Variants in CHRM2 observed in about 807,000 individuals in gnomAD.
CHRM2 encodes the protein muscarinic acetylcholine receptor M2.
Under a neutral mutation model 25.0 loss-of-function variants are expected in CHRM2, and 8 were observed. The ratio of observed to expected loss-of-function variants is 0.32; its 90% CI spans 0.19 to 0.58. CHRM2 has a LOEUF of 0.58. Among genes scored for constraint, CHRM2 ranks in the 20% least tolerant of loss-of-function variants. The pLI, the probability that CHRM2 is intolerant of heterozygous loss-of-function variation, is 0.88. For missense variants in CHRM2, 440 were observed against 567.1 expected, an observed-to-expected ratio of 0.78 and a Z score of 2.28; for synonymous variants, 202 against 205.7, an observed-to-expected ratio of 0.98 and a Z score of 0.15.
At chr7:136,996,848 A>G (rs1256905985) in intron 3 of CHRM2, among the ~76,000 whole-genome samples, 1 of 152,222 alleles carries the variant, frequency 6.6e-6, no homozygotes, top group Non-Finnish European at 1.5e-5. Flanking sequence ...GTGAGCCTAC[A>G]GGCCAAAGCT....
At chr7:136,938,571 C>T in intron 2 of CHRM2, 2 of 892,028 alleles carry the variant, frequency 2.2e-6, no homozygotes, top group Non-Finnish European at 3.8e-6. Context: ...CTGGCCCCAC[C>T]ATAGCCGCTG....
intron 2 of CHRM2, among the ~76,000 whole-genome samples, chr7:136,887,024 A>T (rs936293396): frequency 1.2e-4 from 19 of 152,218 alleles, no homozygotes; most frequent in Admixed American, 1.0e-3. Flanking sequence ...GCAAATATGT[A>T]GTTGAACAAG....
At chr7:136,978,120 G>T (rs1020385808) in intron 2 of CHRM2, among the ~76,000 whole-genome samples, 1 of 151,878 alleles carries the variant, frequency 6.6e-6, no homozygotes, top group Non-Finnish European at 1.5e-5. Context: ...GGTACTATAG[G>T]GTCACTACTT....
At chr7:136,872,907 AC>A (rs1215922622) in intron 2 of CHRM2, among the ~76,000 whole-genome samples, 3 of 152,058 alleles carry the variant, frequency 2.0e-5, no homozygotes, top group African/African-American at 7.2e-5. Context: ...ATGTGAGCGA[AC>A]CCTTTCTATT....
Position 136,979,833 on chromosome 7 carries a change from G to A in CHRM2, c.-124-12354G>A, listed in dbSNP as rs142828924. Among the ~76,000 whole-genome samples the A allele has an allele frequency of 1.2e-4, 19 of 152,190 alleles. No individual in the cohort carries two copies. The East Asian group carries it at 3.7e-3, about 29-fold the overall frequency. ...TCTGTTTTGGTACCAGTACCATGCT[G>A]TTTGGCTACTGTGGCCTTGTAGTAT... is the stretch of plus-strand genomic sequence containing the variant. On this transcript the variant is annotated intron_variant, in intron 2 of 3. Transcript: ENST00000680005.
At chr7:136,875,309 G>T (rs1208835492) in intron 2 of CHRM2, among the ~76,000 whole-genome samples, 1 of 152,018 alleles carries the variant, frequency 6.6e-6, no homozygotes, top group Non-Finnish European at 1.5e-5. Context: ...ACATGATTGT[G>T]TGAATAATAA....
chr7:136,899,944 A>C (rs976989987), intron 2 of CHRM2: 1 of 152,088 alleles, frequency 6.6e-6, no homozygotes, highest in African/African-American at 2.4e-5. Context: ...CTGGGGAAAA[A>C]TCAATATTGA....
chr7:137,008,120 A>G (rs1247228923), intron 3 of CHRM2, among the ~76,000 whole-genome samples: 1 of 152,128 alleles, frequency 6.6e-6, no homozygotes, highest in East Asian at 1.9e-4. Context: ...ATTATACAAC[A>G]TATTTATTTG....
chr7:137,005,754 A>C (rs575441231), intron 3 of CHRM2, among the ~76,000 whole-genome samples: 1 of 152,208 alleles, frequency 6.6e-6, no homozygotes, highest in South Asian at 2.1e-4. Flanking sequence ...TTTCTATCAT[A>C]GTCCTAAAAA....
At chr7:136,895,933 C>T (rs1796879114) in intron 2 of CHRM2, among the ~76,000 whole-genome samples, 1 of 152,062 alleles carries the variant, frequency 6.6e-6, no homozygotes, top group South Asian at 2.1e-4. Context: ...ATTGGGGAGA[C>T]CTTCTAAACA....
intron 3 of CHRM2, among the ~76,000 whole-genome samples, chr7:136,998,360 C>T (rs1279161235): frequency 2.0e-5 from 3 of 152,092 alleles, no homozygotes; most frequent in African/African-American, 7.2e-5. Flanking sequence ...CCAACAAGGC[C>T]GAAGTAGCAT....
At chr7:136,981,287 T>C (rs1802469653) in intron 2 of CHRM2, among the ~76,000 whole-genome samples, 1 of 152,230 alleles carries the variant, frequency 6.6e-6, no homozygotes, top group Non-Finnish European at 1.5e-5. Context: ...TCAGTGGTAA[T>C]ATCACATTTA....
chr7:136,921,794 C>CTTTTTTTTTTTTTTTTTTTTTTTTT lies in CHRM2; in HGVS notation c.-125+52384_-125+52385insTTTTTTTTTTTTTTTTTTTTTTTTT, dbSNP rs398006503. Among the ~76,000 whole-genome samples the CTTTTTTTTTTTTTTTTTTTTTTTTT allele has an allele frequency of 4.3e-4, 50 of 116,596 alleles. 2 individuals are homozygous for CTTTTTTTTTTTTTTTTTTTTTTTTT. The highest frequency in any genetic ancestry group is 7.4e-4 in the Non-Finnish European group (36 of 48,760). 76.5% of individuals were successfully genotyped at this position (116,596 alleles called of 152,430 possible). Reference sequence around the variant, plus strand: ...TCTTTCTTTCTTTCTTTCTTTCTTTCTTTTTTTTGAGACAGATTCTCACTC... The same window carrying CTTTTTTTTTTTTTTTTTTTTTTTTT: ...TCTTTCTTTCTTTCTTTCTTTCTTTCTTTTTTTTTTTTTTTTTTTTTTTTTTTTTTTTTGAGACAGATTCTCACTC... On this transcript the variant is annotated intron_variant, in intron 2 of 3. Transcript: ENST00000680005.
At position 137,016,148 on chromosome 7, in the gene CHRM2, T is replaced by C; in HGVS notation, c.1283T>C (p.Leu428Pro). Residue 428 changes from leucine to proline, a missense_variant, in exon 4 of 4, where the codon CTT becomes CCT. This residue lies in a region of CHRM2 where 65 missense variants were observed against 108.9 expected (regional missense o/e 0.60). Coordinates refer to ENST00000680005, the MANE Select transcript of CHRM2 (RefSeq NM_001006630.2). ...ACTGTGTGGACAATTGGTTACTGGC[T>C]TTGTTACATCAACAGCACTATCAAC... ...PNTVWTIGYW[L>P]CYINSTINPA... 1 of 1,612,992 alleles carries C rather than the reference T, an allele frequency of 6.2e-7. No homozygotes were observed. Among genetic ancestry groups the C allele is most frequent in the African/African-American group, 1.3e-5 (1 of 74,942 alleles).
intron 2 of CHRM2, among the ~76,000 whole-genome samples, chr7:136,882,402 C>G (rs1413858785): frequency 1.3e-5 from 2 of 151,396 alleles, no homozygotes; most frequent in Non-Finnish European, 3.0e-5. Flanking sequence ...CTCCTCCTCC[C>G]CCTCTTCACC....
intron 2 of CHRM2, among the ~76,000 whole-genome samples, chr7:136,966,280 A>T: frequency 6.6e-6 from 1 of 151,916 alleles, no homozygotes; most frequent in East Asian, 1.9e-4. Flanking sequence ...TTGTTTGTAT[A>T]GGTTTCACAT....
chr7:136,921,694 TA>T (rs1798442887), intron 2 of CHRM2, among the ~76,000 whole-genome samples: 1 of 152,102 alleles, frequency 6.6e-6, no homozygotes, highest in Non-Finnish European at 1.5e-5. Flanking sequence ...CTTTTCTGGA[TA>T]AAAAGTCAGC....
intron 2 of CHRM2, among the ~76,000 whole-genome samples, chr7:136,924,420 T>TC (rs1798621979): frequency 6.8e-6 from 1 of 146,676 alleles, no homozygotes; most frequent in Non-Finnish European, 1.5e-5. Flanking sequence ...GTCCAAGTGT[T>TC]CTCATTGTTC....
intron 3 of CHRM2, among the ~76,000 whole-genome samples, chr7:136,999,414 CTTTAAG>C (rs2131054599): frequency 6.6e-6 from 1 of 151,980 alleles, no homozygotes; most frequent in East Asian, 1.9e-4. Context: ...TTTAATTATA[CTTTAAG>C]TTTTAGGGTA....
Sources: gnomAD v4.1 joint callset for allele counts (sites outside exome capture counted in the v4.1 genomes callset) on GRCh38, gnomAD v4.1.1 for gene constraint, gnomAD v4.1.1 regional missense constraint, MANE v1.5 for transcripts, NCBI Gene and HGNC (gene_info 2026-07-23, HGNC 2026-07-21) for gene names.